Variants in RHOQ observed in about 807,000 individuals in gnomAD.
RHOQ encodes the protein ras homolog family member Q.
A neutral mutation model predicts 25.8 loss-of-function variants in RHOQ; 7 were observed. The ratio of observed to expected loss-of-function variants is 0.27; its 90% confidence interval spans 0.15 to 0.51. The LOEUF (loss-of-function observed/expected upper bound fraction) is 0.51, where lower values mean the gene tolerates loss of function less well. Ranked by LOEUF, RHOQ falls within the 20% of genes least tolerant of loss-of-function variation. The probability of loss-of-function intolerance (pLI) is 0.97; values close to 1 mark genes in which losing one functional copy is unlikely to be tolerated. For missense variants in RHOQ, 165 were observed against 260.6 expected (o/e 0.63, Z 2.53); for synonymous variants, 97 against 98.6 (o/e 0.98, Z 0.10).
intron 2 of RHOQ, among the ~76,000 whole-genome samples, chr2:46,563,466 G>A (rs192033081): frequency 7.2e-5 from 11 of 152,324 alleles, no homozygotes; most frequent in Non-Finnish European, 1.3e-4. Context: ...GATAGGCCGG[G>A]AAGAGCCCCC....
At chr2:46,578,775 A>G (rs1246064996) in intron 4 of RHOQ, among the ~76,000 whole-genome samples, 2 of 151,740 alleles carry the variant, frequency 1.3e-5, no homozygotes, top group Non-Finnish European at 2.9e-5. Context: ...GAATAAATAA[A>G]TAATGGTGGA....
chr2:46,577,431 A>C (rs1241563780), intron 4 of RHOQ, among the ~76,000 whole-genome samples: 1 of 112,836 alleles, frequency 8.9e-6, no homozygotes. Flanking sequence ...ACGGAGTCCC[A>C]CTCTGTGGCC....
chr2:46,543,872 G>A, intron 2 of RHOQ, 60 bp downstream of exon 2: 1 of 1,503,090 alleles, frequency 6.7e-7, no homozygotes, highest in Non-Finnish European at 9.2e-7. Flanking sequence ...TTGTGGCTGC[G>A]AAGGGCCTTT....
Position 46,552,109 on chromosome 2 carries a change from G to A in RHOQ, c.201+8297G>A, listed in dbSNP as rs1303306239. Among the ~76,000 whole-genome samples the A allele has an allele frequency of 1.3e-5, 2 of 152,182 alleles. No individual in the cohort carries two copies. Among genetic ancestry groups the A allele is most frequent in the African/African-American group, 4.8e-5 (2 of 41,446 alleles). On this transcript the variant is annotated intron_variant, in intron 2 of 4. Transcript: ENST00000238738. The surrounding 1 kb of genome is among the most constrained non-coding windows in gnomAD (Gnocchi z 5.0). ...GTTTCATGTAAAAGGTACATTCCAAGCGTATCGCTTTTCTAGCTAGAAGAG... is the reference window on the plus strand; with the variant it reads ...GTTTCATGTAAAAGGTACATTCCAAACGTATCGCTTTTCTAGCTAGAAGAG...
In RHOQ at chr2:46,581,936, T is replaced by A. The variant is rs78431968; in HGVS notation, c.*853T>A. ...GAACTAGTTGGTAATTTTTTTTTTT[T>A]AATTCCCACTTTGGCTGTGTACATC... On this transcript the variant is annotated 3_prime_UTR_variant, in exon 5 of 5. Coordinates refer to ENST00000238738, the MANE Select transcript of RHOQ (RefSeq NM_012249.4). 2 of 195,048 alleles carry A rather than the reference T, an allele frequency of 1.0e-5. No individual in the cohort carries two copies. The highest frequency in any genetic ancestry group is 4.8e-5 in the African/African-American group (2 of 42,040). 12.1% of individuals were successfully genotyped at this position (195,048 alleles called of 1,614,324 possible). A position where few individuals can be genotyped will look rare whatever the true frequency, so the allele number is the denominator to read the frequency against.
Position 46,553,819 on chromosome 2 carries a change from C to T in RHOQ, c.201+10007C>T, listed in dbSNP as rs895891862. Among the ~76,000 whole-genome samples, 5 of 152,092 alleles carry T rather than the reference C, an allele frequency of 3.3e-5. No homozygotes were observed. The East Asian group carries it at 7.7e-4, about 23-fold the overall frequency. ...GTCCCGAACTTCTGACCTTGTGATC[C>T]GCCCACTTCAGCCTCCCAAAGTGCT... On this transcript the variant is annotated intron_variant, in intron 2 of 4. Transcript: ENST00000238738.
rs1409941893 is a variant in RHOQ, at chr2:46,555,410, G to A, written c.201+11598G>A. On this transcript the variant is annotated intron_variant, in intron 2 of 4. Transcript: ENST00000238738. The surrounding 1 kb of genome is among the most constrained non-coding windows in gnomAD (Gnocchi z 4.3). Reference sequence around the variant, plus strand: ...TGTTGGGGGCCCCAGTAGGAACTAGGTGTGTGTTAAATTTAGGGGAGTCTG... The same window carrying A: ...TGTTGGGGGCCCCAGTAGGAACTAGATGTGTGTTAAATTTAGGGGAGTCTG... Among the ~76,000 whole-genome samples the A allele has an allele frequency of 6.6e-6, 1 of 152,242 alleles. No individual in the cohort carries two copies. Among genetic ancestry groups the A allele is most frequent in the Admixed American group, 6.5e-5 (1 of 15,292 alleles).
chr2:46,543,579 C>T (rs1667921071), intron 1 of RHOQ, 175 bp from the exon 2 acceptor site: 1 of 643,406 alleles, frequency 1.6e-6, no homozygotes, highest in African/African-American at 1.8e-5. Flanking sequence ...CACACCCCGG[C>T]CCTTTGCCGG....
rs1668127179 is a variant in RHOQ at position 46,548,016 on chromosome 2, G to A, written c.201+4204G>A. On this transcript the variant is annotated intron_variant, in intron 2 of 4. Transcript: ENST00000238738. This position sits in a 1 kb window ranked among gnomAD's most constrained non-coding sequence, Gnocchi z 5.2. ...TCAGGTCCCAGAATATCCACACTCA[G>A]GAGGATGTGTGTTGGGGGTGAATTT... 6.6e-6 allele frequency among the ~76,000 whole-genome samples: 1 copy of A among 152,214 alleles called. No individual in the cohort carries two copies. The highest frequency in any genetic ancestry group is 1.5e-5 in the Non-Finnish European group (1 of 68,034).
chr2:46,570,791 C>T (rs1156915600), intron 2 of RHOQ, among the ~76,000 whole-genome samples: 2 of 152,206 alleles, frequency 1.3e-5, no homozygotes, highest in African/African-American at 2.4e-5. Flanking sequence ...TCTCTCTTCA[C>T]GTAGTCAGAA....
chr2:46,546,479 T>TCC lies in RHOQ; in HGVS notation c.201+2667_201+2668insCC, dbSNP rs1558680424. Among the ~76,000 whole-genome samples the TCC allele has an allele frequency of 7.5e-3, 151 of 20,110 alleles. 12 individuals are homozygous for TCC. Among genetic ancestry groups the TCC allele is most frequent in the African/African-American group, 0.026 (145 of 5,554 alleles). The allele number at this position is 20,110 out of a possible 152,430, so 13.2% of individuals were successfully genotyped here. On this transcript the variant is annotated intron_variant, in intron 2 of 4. Transcript: ENST00000238738. ...ATATATATATATATATATATGTGTA[T>TCC]ATATATATATATATATATATATATA...
chr2:46,547,635 AT>A (rs571700968), intron 2 of RHOQ, among the ~76,000 whole-genome samples: 57 of 152,326 alleles, frequency 3.7e-4, no homozygotes, highest in Non-Finnish European at 6.2e-4. Flanking sequence ...TGACCGAGGC[AT>A]CTTCCTTCTC....
chr2:46,565,817 A>C (rs1668714605), intron 2 of RHOQ, among the ~76,000 whole-genome samples: 1 of 152,210 alleles, frequency 6.6e-6, no homozygotes. Context: ...GCCCTCAGGG[A>C]GTCCTGATGC....
intron 2 of RHOQ, among the ~76,000 whole-genome samples, chr2:46,559,248 G>A (rs1304274406): frequency 2.6e-5 from 4 of 151,990 alleles, no homozygotes; most frequent in Admixed American, 2.6e-4. Flanking sequence ...CACCTGCCTC[G>A]GCCTCTCAAA....
chr2:46,545,486 T>C (rs1029527975), intron 2 of RHOQ, among the ~76,000 whole-genome samples: 1 of 152,224 alleles, frequency 6.6e-6, no homozygotes, highest in East Asian at 1.9e-4. Context: ...AGTTTTTTCC[T>C]ACATATGGGG....
chr2:46,572,608 T>C (rs1041926878), intron 2 of RHOQ: 1 of 309,468 alleles, frequency 3.2e-6, no homozygotes, highest in African/African-American at 2.2e-5. Flanking sequence ...GTTTTGATGT[T>C]GAACAGCTGT....
chr2:46,582,048 G>A lies in RHOQ; in HGVS notation c.*965G>A, dbSNP rs966480295. The stretch of plus-strand genomic sequence containing the variant: ...AAGAGGAAAGACCTAGAATCCAAGC[G>A]TGTTACATGAAAATTGTAACAGAGC... On this transcript the variant is annotated 3_prime_UTR_variant, in exon 5 of 5. Coordinates refer to ENST00000238738, the MANE Select transcript of RHOQ (RefSeq NM_012249.4). 13 of 154,968 alleles carry A rather than the reference G, an allele frequency of 8.4e-5. No homozygotes were observed. The highest frequency in any genetic ancestry group is 3.2e-4 in the Admixed American group (5 of 15,626). The allele number at this position is 154,968 out of a possible 1,614,324, so 9.6% of individuals were successfully genotyped here. A position where few individuals can be genotyped will look rare whatever the true frequency, so the allele number is the denominator to read the frequency against.
In RHOQ at chr2:46,546,854, C is replaced by T. The variant is rs115303699; in HGVS notation, c.201+3042C>T. On this transcript the variant is annotated intron_variant, in intron 2 of 4. Coordinates refer to ENST00000238738, the MANE Select transcript of RHOQ (RefSeq NM_012249.4). ...AGTGGAAGAGAACAGTATATTGTGC[C>T]TGGAGTTGATAGAAATTCCACTAGA... Among the ~76,000 whole-genome samples the T allele has an allele frequency of 1.9e-3, 288 of 152,050 alleles. 1 individual carries two copies. Among genetic ancestry groups the T allele is most frequent in the African/African-American group, 6.7e-3 (278 of 41,456 alleles).
At position 46,566,834 on chromosome 2, in the gene RHOQ, C is replaced by G; in HGVS notation, c.202-9253C>G. Among the ~76,000 whole-genome samples, 1 of 152,196 alleles carries G rather than the reference C, an allele frequency of 6.6e-6. No homozygotes were observed. The highest frequency in any genetic ancestry group is 1.9e-4 in the East Asian group (1 of 5,196). On this transcript the variant is annotated intron_variant, in intron 2 of 4. Coordinates refer to ENST00000238738, the MANE Select transcript of RHOQ (RefSeq NM_012249.4). The surrounding 1 kb of genome is among the most constrained non-coding windows in gnomAD (Gnocchi z 4.2). ...CTCAGGTCTCAGGTTGAACATCACC[C>G]CTGCAGAGAGGTCTTTCTTGCCTGC...
Sources: gnomAD v4.1 joint callset for allele counts (sites outside exome capture counted in the v4.1 genomes callset) on GRCh38, gnomAD v4.1.1 for gene constraint, Gnocchi (gnomAD v3.1) non-coding constraint, MANE v1.5 for transcripts, NCBI Gene and HGNC (gene_info 2026-07-23, HGNC 2026-07-21) for gene names.